Variants in ABCA10 observed in about 807,000 individuals in gnomAD.
ABCA10 encodes ATP binding cassette subfamily A member 10, also known as ATP-binding cassette sub-family A member 10.
A neutral mutation model predicts 187.5 loss-of-function variants in ABCA10; 169 were observed. The ratio of observed to expected loss-of-function variants is 0.90; its 90% CI spans 0.80 to 1.02. The LOEUF is 1.02. Among genes scored for constraint, ABCA10 ranks in the 50% least tolerant of loss-of-function variants. ABCA10 has a pLI of 0.00. For synonymous variants in ABCA10, 574 were observed against 601.8 expected (o/e 0.95, Z 0.68); for missense variants, 1,727 against 1,812.4 (o/e 0.95, Z 0.86).
Position 69,152,385 on chromosome 17 carries a change from G to A in ABCA10, c.4233C>T (p.Ala1411=). 3 of 1,613,914 alleles carry A rather than the reference G, an allele frequency of 1.9e-6. No homozygotes were observed. Among genetic ancestry groups the A allele is most frequent in the Non-Finnish European group, 2.5e-6 (3 of 1,179,918 alleles). ...ACCTTAGCGTTCCTGACACCATCAT[G>A]GCCATACGGTCACACACAGCCTCAG... ...SEAEAVCDRM[A]MMVSGTLRCI... The change falls in exon 35 of 39, where the codon GCC becomes GCT. Residue 1411 remains alanine (A), a synonymous_variant. Transcript: ENST00000690296.
At chr17:69,150,666 G>A (rs560002010) in intron 36 of ABCA10, among the ~76,000 whole-genome samples, 1 of 152,024 alleles carries the variant, frequency 6.6e-6, no homozygotes, top group East Asian at 1.9e-4. Context: ...AACTCTCTAG[G>A]CCTGCACTGC....
At chr17:69,200,363 C>A (rs777380738) in intron 10 of ABCA10, among the ~76,000 whole-genome samples, 2 of 152,130 alleles carry the variant, frequency 1.3e-5, no homozygotes, top group Non-Finnish European at 2.9e-5. Flanking sequence ...GGATTCAAAC[C>A]AGTTGGTTTA....
chr17:69,193,192 C>T lies in ABCA10; in HGVS notation c.1698G>A (p.Val566=). 6.2e-7 allele frequency: 1 copy of T among 1,614,162 alleles called. No individual in the cohort carries two copies. The highest frequency in any genetic ancestry group is 8.5e-7 in the Non-Finnish European group (1 of 1,180,008). ...AGLDPFSRHR[V]WSLLKEHKVD... ...CTTTATGCTCCTTCAGGAGGCTCCA[C>T]ACTCGGTGTCTTGAAAAGGGATCCA... The change falls in exon 15 of 39, where the codon GTG becomes GTA. Residue 566 remains valine, a synonymous_variant. Coordinates refer to ENST00000690296, the MANE Select transcript of ABCA10 (RefSeq NM_001377321.1).
chr17:69,198,961 A>G (rs1389263872), intron 10 of ABCA10, among the ~76,000 whole-genome samples: 1 of 152,214 alleles, frequency 6.6e-6, no homozygotes, highest in Non-Finnish European at 1.5e-5. Flanking sequence ...AAAATCTTCC[A>G]TGATCAGATT....
chr17:69,152,812 AAAT>A (rs1191870414), intron 34 of ABCA10, among the ~76,000 whole-genome samples: 1 of 151,960 alleles, frequency 6.6e-6, no homozygotes, highest in Admixed American at 6.6e-5. Flanking sequence ...GTAAATAAAT[AAAT>A]AAATAAATAA....
chr17:69,156,828 C>T lies in ABCA10; in HGVS notation c.3455+4G>A. On this transcript the variant is annotated splice_donor_region_variant and intron_variant, in intron 28 of 38. Transcript: ENST00000690296. ...ATTCAGATCTCAATTAATATTTTCC[C>T]AACCTGAAAACTGGGTCTTTATTCA... 6.6e-7 allele frequency: 1 copy of T among 1,521,242 alleles called. No individual in the cohort carries two copies. Among genetic ancestry groups the T allele is most frequent in the Admixed American group, 1.9e-5 (1 of 52,232 alleles). 94.2% of individuals were successfully genotyped at this position (1,521,242 alleles called of 1,614,324 possible). A position where few individuals can be genotyped will look rare whatever the true frequency, so the allele number is the denominator to read the frequency against.
intron 14 of ABCA10, 33 bp from the exon 15 acceptor site, chr17:69,193,281 C>T (rs769127123): frequency 8.7e-6 from 14 of 1,603,996 alleles, no homozygotes; most frequent in Non-Finnish European, 1.2e-5. Context: ...AAGCATCTTC[C>T]TCTTCACAGT....
intron 20 of ABCA10, among the ~76,000 whole-genome samples, chr17:69,184,793 C>T (rs1268153981): frequency 1.3e-5 from 2 of 151,568 alleles, no homozygotes; most frequent in African/African-American, 4.9e-5. Flanking sequence ...AATATGGAAC[C>T]AGCCCAAGTG....
intron 22 of ABCA10, chr17:69,179,042 A>G (rs2074357712): frequency 6.6e-6 from 1 of 152,098 alleles, no homozygotes; most frequent in South Asian, 2.1e-4. Context: ...TCTATGCATC[A>G]TCTCCTCTGT....
chr17:69,217,256 A>G (rs994448631), intron 6 of ABCA10, among the ~76,000 whole-genome samples: 8 of 124,190 alleles, frequency 6.4e-5, no homozygotes, highest in African/African-American at 2.1e-4. Flanking sequence ...TCAAAAAAAG[A>G]AAAAAAAAAA....
intron 22 of ABCA10, among the ~76,000 whole-genome samples, chr17:69,181,539 A>G (rs1446193159): frequency 6.6e-6 from 1 of 152,060 alleles, no homozygotes; most frequent in African/African-American, 2.4e-5. Flanking sequence ...CAGCATACCA[A>G]GTGGTAATAA....
intron 27 of ABCA10, among the ~76,000 whole-genome samples, chr17:69,163,775 T>C (rs991102552): frequency 1.1e-4 from 17 of 152,236 alleles, no homozygotes; most frequent in African/African-American, 3.9e-4. Context: ...ATTTACTTGA[T>C]TCTGAGCCAT....
intron 5 of ABCA10, among the ~76,000 whole-genome samples, chr17:69,220,455 G>A (rs900678130): frequency 1.3e-5 from 2 of 152,166 alleles, no homozygotes; most frequent in African/African-American, 2.4e-5. Context: ...CAGAACTGAA[G>A]TACATAGATT....
At chr17:69,154,108 T>C in intron 31 of ABCA10, 99 bp from the exon 32 acceptor site, 2 of 1,493,636 alleles carry the variant, frequency 1.3e-6, no homozygotes, top group Non-Finnish European at 1.8e-6. Flanking sequence ...CAATATTTTT[T>C]GAATACGCAA....
At chr17:69,177,194 T>C (rs147314982) in intron 22 of ABCA10, among the ~76,000 whole-genome samples, 2 of 152,332 alleles carry the variant, frequency 1.3e-5, no homozygotes, top group African/African-American at 4.8e-5. Context: ...CAAATAAACT[T>C]TCCTTTTCAA....
rs150584020 is a variant in ABCA10 at position 69,174,729 on chromosome 17, A to G, written c.2926T>C (p.Tyr976His). 7.6e-5 allele frequency: 122 copies of G among 1,608,588 alleles called. No individual in the cohort carries two copies. The highest frequency in any genetic ancestry group is 9.8e-5 in the Non-Finnish European group (115 of 1,177,526). The change falls in exon 24 of 39, where the codon TAC becomes CAC. Residue 976 changes from tyrosine (Y) to histidine (H), a missense_variant. Tyr to His is a moderately conservative substitution (Grantham distance 83, BLOSUM62 2). Coordinates refer to ENST00000690296, the MANE Select transcript of ABCA10 (RefSeq NM_001377321.1). The stretch of plus-strand genomic sequence containing the variant: ...TCCACCAGAGCCTGTCCACACCAGT[A>G]TGCTGAAGGCCAGAGGCCTGAAATC... ...LWISGLWPSA[Y>H]WCGQALVDIP...
intron 9 of ABCA10, among the ~76,000 whole-genome samples, chr17:69,206,237 C>T (rs2074590850): frequency 6.6e-6 from 1 of 152,148 alleles, no homozygotes; most frequent in Admixed American, 6.5e-5. Flanking sequence ...TAATACTTTT[C>T]TTTTAAACAA....
chr17:69,195,975 G>C (rs1360066840), intron 11 of ABCA10, among the ~76,000 whole-genome samples: 2 of 152,168 alleles, frequency 1.3e-5, no homozygotes, highest in African/African-American at 4.8e-5. Flanking sequence ...CACAGACACA[G>C]CAACAATCTG....
intron 27 of ABCA10, among the ~76,000 whole-genome samples, chr17:69,163,817 T>C (rs2074236175): frequency 6.6e-6 from 1 of 152,214 alleles, no homozygotes. Flanking sequence ...ACATACTGCC[T>C]CAAATTGTCT....
Sources: allele counts gnomAD v4.1 joint callset (sites outside exome capture counted in the v4.1 genomes callset), GRCh38; gene constraint gnomAD v4.1.1; transcripts MANE v1.5; gene names NCBI Gene and HGNC (gene_info 2026-07-23, HGNC 2026-07-21).